SUDS3: variants seen among roughly 807,000 people sequenced by gnomAD.
SUDS3 encodes the protein SIN3A corepressor complex component SDS3, also known as sin3 histone deacetylase corepressor complex component SDS3.
In SUDS3, 23 loss-of-function variants were observed where a neutral mutation model predicts 53.5. The observed-to-expected ratio is 0.43, with a 90% confidence interval of 0.31 to 0.61. The LOEUF (loss-of-function observed/expected upper bound fraction) is 0.61. Among genes scored for constraint, SUDS3 ranks in the 20% least tolerant of loss-of-function variants. The pLI, the probability that SUDS3 is intolerant of heterozygous loss-of-function variation, is 0.10. For missense variants in SUDS3, 291 were observed against 405.9 expected (o/e 0.72, Z 2.43); for synonymous variants, 150 against 148.5 (o/e 1.01, Z -0.08).
chr12:118,393,385 C>T (rs543960876), intron 6 of SUDS3, among the ~76,000 whole-genome samples: 1 of 152,180 alleles, frequency 6.6e-6, no homozygotes, highest in South Asian at 2.1e-4. Flanking sequence ...CCACTGGAAA[C>T]GGGTGTATTT....
intron 6 of SUDS3, among the ~76,000 whole-genome samples, chr12:118,396,426 T>C (rs1308642144): frequency 6.6e-6 from 1 of 152,094 alleles, no homozygotes; most frequent in African/African-American, 2.4e-5. Context: ...TAGTTTTTTG[T>C]ATTTTTCTGT....
intron 1 of SUDS3, among the ~76,000 whole-genome samples, chr12:118,377,054 A>G (rs1175339303): frequency 2.0e-5 from 3 of 152,072 alleles, no homozygotes; most frequent in Non-Finnish European, 2.9e-5. Context: ...GAGGGGACTT[A>G]GATGTTGTCA....
chr12:118,400,541 ACC>A (rs1279472224), intron 6 of SUDS3, 116 bp from the exon 7 acceptor site: 1 of 893,012 alleles, frequency 1.1e-6, no homozygotes, highest in East Asian at 2.5e-5. Context: ...TAGAACAAAC[ACC>A]CCCAGTAAAA....
chr12:118,377,983 T>G (rs148691852), intron 1 of SUDS3, among the ~76,000 whole-genome samples: 2 of 152,188 alleles, frequency 1.3e-5, no homozygotes, highest in African/African-American at 4.8e-5. Context: ...ATGCATGACA[T>G]ACAAAGTTGA....
chr12:118,387,213 C>G (rs117370118), intron 4 of SUDS3, among the ~76,000 whole-genome samples: 14 of 152,266 alleles, frequency 9.2e-5, no homozygotes, highest in South Asian at 2.1e-4. Flanking sequence ...GCTGTTACCC[C>G]CTTTCTACTC....
At chr12:118,394,559 T>A (rs1056609187) in intron 6 of SUDS3, among the ~76,000 whole-genome samples, 8 of 152,216 alleles carry the variant, frequency 5.3e-5, no homozygotes, top group South Asian at 4.1e-4. Context: ...ATGGATAAAG[T>A]CTGTGTCTTC....
At position 118,384,031 on chromosome 12, in the gene SUDS3, G is replaced by T. The variant is rs755541953; in HGVS notation, c.232G>T (p.Ala78Ser). The part of the protein sequence containing the change: ...MKEQMYQDKL[A>S]SLKRQLQQLQ... ...TTATAGGATGTATCAGGACAAACTG[G>T]CTTCTCTCAAGAGGCAGTTGCAACA... Residue 78 changes from alanine (A) to serine (S), a missense_variant, in exon 3 of 12, where the codon GCT becomes TCT. This residue lies in a region of SUDS3 where 149 missense variants were observed against 146.5 expected (regional missense o/e 1.02). Transcript: ENST00000543473. 10 of 1,613,386 alleles carry T rather than the reference G, an allele frequency of 6.2e-6. No homozygotes were observed. The African/African-American group carries it at 1.3e-4, about 22-fold the overall frequency.
chr12:118,411,985 C>G (rs1283042700), intron 11 of SUDS3, among the ~76,000 whole-genome samples: 2 of 152,208 alleles, frequency 1.3e-5, no homozygotes, highest in African/African-American at 4.8e-5. Flanking sequence ...TAAGTGAGTG[C>G]TGGCCTGAAA....
At chr12:118,397,950 G>A (rs532038830) in intron 6 of SUDS3, among the ~76,000 whole-genome samples, 1 of 152,252 alleles carries the variant, frequency 6.6e-6, no homozygotes, top group Middle Eastern at 3.4e-3. Flanking sequence ...CATGGGCTAT[G>A]TGCTTTTCCT....
At chr12:118,383,782 A>G (rs549654550) in intron 2 of SUDS3, among the ~76,000 whole-genome samples, 3 of 152,224 alleles carry the variant, frequency 2.0e-5, no homozygotes, top group Non-Finnish European at 2.9e-5. Flanking sequence ...ACATGGGAGA[A>G]TCTACAAAAT....
chr12:118,399,651 A>G (rs2046246461), intron 6 of SUDS3, among the ~76,000 whole-genome samples: 1 of 152,166 alleles, frequency 6.6e-6, no homozygotes, highest in African/African-American at 2.4e-5. Flanking sequence ...GGATGAAGGG[A>G]TGGAGTGGAG....
intron 4 of SUDS3, among the ~76,000 whole-genome samples, chr12:118,387,594 C>G (rs1409944854): frequency 1.3e-5 from 2 of 151,896 alleles, no homozygotes; most frequent in African/African-American, 4.8e-5. Flanking sequence ...CTCTGTCACC[C>G]AGGCTGGAGT....
chr12:118,414,984 C>T lies in SUDS3; in HGVS notation c.*551C>T, dbSNP rs1353771458. ...CTCGGCCTTCTCAGAGAAATAAATGCTTTGTGTAACATCTGTGCACACCAT... is the reference window on the plus strand; with the variant it reads ...CTCGGCCTTCTCAGAGAAATAAATGTTTTGTGTAACATCTGTGCACACCAT... On this transcript the variant is annotated 3_prime_UTR_variant, in exon 12 of 12. Transcript: ENST00000543473. The T allele has an allele frequency of 6.6e-6, 1 of 152,318 alleles. No individual in the cohort carries two copies. Among genetic ancestry groups the T allele is most frequent in the Admixed American group, 6.5e-5 (1 of 15,288 alleles). 9.4% of individuals were successfully genotyped at this position (152,318 alleles called of 1,614,324 possible). A position where few individuals can be genotyped will look rare whatever the true frequency, so the allele number is the denominator to read the frequency against.
chr12:118,407,254 T>C (rs1261666372), intron 10 of SUDS3, among the ~76,000 whole-genome samples: 2 of 152,176 alleles, frequency 1.3e-5, no homozygotes, highest in African/African-American at 4.8e-5. Flanking sequence ...ATTTGGTATC[T>C]AGGGATAATG....
chr12:118,382,753 C>T (rs1487708127), intron 2 of SUDS3, among the ~76,000 whole-genome samples: 7 of 151,648 alleles, frequency 4.6e-5, no homozygotes, highest in African/African-American at 1.7e-4. Context: ...CTGCAACCTC[C>T]AGCCCCTGGG....
chr12:118,395,285 G>A (rs2046204757), intron 6 of SUDS3, among the ~76,000 whole-genome samples: 1 of 147,492 alleles, frequency 6.8e-6, no homozygotes, highest in Non-Finnish European at 1.5e-5. Context: ...GAGTGCAGTG[G>A]CGCGATCTCG....
chr12:118,379,762 C>T (rs2046037648), intron 1 of SUDS3, among the ~76,000 whole-genome samples: 2 of 152,196 alleles, frequency 1.3e-5, no homozygotes, highest in African/African-American at 4.8e-5. Flanking sequence ...CAGCCTTCAC[C>T]ATAACTGCCT....
intron 4 of SUDS3, among the ~76,000 whole-genome samples, chr12:118,388,400 C>T (rs2046133748): frequency 6.6e-6 from 1 of 152,154 alleles, no homozygotes. Flanking sequence ...GAATAGCACA[C>T]CCTGGAGAAT....
rs909750843 is a variant in SUDS3, at chr12:118,380,631, C to G, written c.212+400C>G. Among the ~76,000 whole-genome samples, 6 of 152,284 alleles carry G rather than the reference C, an allele frequency of 3.9e-5. 1 individual carries two copies. Among genetic ancestry groups the G allele is most frequent in the Admixed American group, 1.3e-4 (2 of 15,292 alleles). ...CCGTTATAAGACTTTGTTGAGTACT[C>G]TCTAGAAAGAATCTTGAGGGCAATG... On this transcript the variant is annotated intron_variant, in intron 2 of 11. Coordinates refer to ENST00000543473, the MANE Select transcript of SUDS3 (RefSeq NM_022491.3).
Sources: gnomAD v4.1 joint callset for allele counts (sites outside exome capture counted in the v4.1 genomes callset) on GRCh38, gnomAD v4.1.1 for gene constraint, gnomAD v4.1.1 regional missense constraint, MANE v1.5 for transcripts, NCBI Gene and HGNC (gene_info 2026-07-23, HGNC 2026-07-21) for gene names.